TMEM132B: variants seen among roughly 807,000 people sequenced by gnomAD.
The protein encoded by TMEM132B is transmembrane protein 132B.
TMEM132B carries 18 observed loss-of-function variants against 90.8 expected under a neutral mutation model. The ratio of observed to expected loss-of-function variants is 0.20; its 90% CI spans 0.14 to 0.29. TMEM132B has a LOEUF of 0.29. Among genes scored for constraint, TMEM132B ranks in the 10% least tolerant of loss-of-function variants. The pLI, the probability that TMEM132B is intolerant of heterozygous loss-of-function variation, is 1.00. For missense variants in TMEM132B, 1,096 were observed against 1,326.8 expected, an observed-to-expected ratio of 0.83 and a Z score of 2.70; for synonymous variants, 504 against 523.3, an observed-to-expected ratio of 0.96 and a Z score of 0.50.
intron 1 of TMEM132B, among the ~76,000 whole-genome samples, chr12:125,297,806 G>A (rs1875709130): frequency 6.6e-6 from 1 of 152,098 alleles, no homozygotes; most frequent in South Asian, 2.1e-4. Context: ...TGAAGGGGGA[G>A]CCCTGGGGTG....
intron 4 of TMEM132B, among the ~76,000 whole-genome samples, chr12:125,562,558 G>A (rs1989436): frequency 0.011 from 1,739 of 152,200 alleles, 36 homozygotes; most frequent in South Asian, 0.077. Flanking sequence ...GGACTCTTCC[G>A]TTCACTTAAA....
chr12:125,252,181 A>C (rs1874331790), intron 1 of TMEM132B, among the ~76,000 whole-genome samples: 1 of 152,204 alleles, frequency 6.6e-6, no homozygotes, highest in Admixed American at 6.5e-5. Flanking sequence ...AGCCAAAAAG[A>C]AGCTCAGGGC....
rs1041901138 is a variant in TMEM132B, at chr12:125,277,208, C to T, written c.68-72244C>T. On this transcript the variant is annotated intron_variant, in intron 1 of 8. Transcript: ENST00000682704. The surrounding 1 kb of genome is among the most constrained non-coding windows in gnomAD (Gnocchi z 4.3). The stretch of plus-strand genomic sequence containing the variant: ...ATGAAGAGGGAGAACAGGCCGGGCA[C>T]GATGGCTCATGCCTGTAGTCCCAGC... 2.0e-5 allele frequency among the ~76,000 whole-genome samples: 3 copies of T among 152,014 alleles called. No individual in the cohort carries two copies. The highest frequency in any genetic ancestry group is 2.9e-5 in the Non-Finnish European group (2 of 68,024).
At chr12:125,519,683 T>C in intron 4 of TMEM132B, 58 bp downstream of exon 4, 2 of 1,545,544 alleles carry the variant, frequency 1.3e-6, no homozygotes, top group Non-Finnish European at 1.8e-6. Context: ...TTAAACATGA[T>C]GCACTGTATA....
At chr12:125,454,467 G>A (rs1382296346) in intron 3 of TMEM132B, among the ~76,000 whole-genome samples, 1 of 151,846 alleles carries the variant, frequency 6.6e-6, no homozygotes, top group Non-Finnish European at 1.5e-5. Context: ...AAGGTGATGA[G>A]AATGAACACC....
At chr12:125,402,356 A>G (rs1435727887) in intron 2 of TMEM132B, among the ~76,000 whole-genome samples, 1 of 152,042 alleles carries the variant, frequency 6.6e-6, no homozygotes, top group African/African-American at 2.4e-5. Context: ...CGCCTGGCTA[A>G]TTTTTGTATT....
Position 125,583,843 on chromosome 12 carries a change from C to T in TMEM132B, c.1294-8C>T, listed in dbSNP as rs184828721. 9.0e-4 allele frequency: 1,459 copies of T among 1,613,874 alleles called. 10 individuals carry two copies. Among genetic ancestry groups the T allele is most frequent in the Non-Finnish European group, 7.1e-4 (834 of 1,179,888 alleles). ...TTGCTGATCTGAGCCCTCTCCTCTC[C>T]TGTTTAGGACACCGAGGTTTTGAAC... On this transcript the variant is annotated splice_polypyrimidine_tract_variant and splice_region_variant and intron_variant, in intron 4 of 8. Transcript: ENST00000682704.
rs537346519 is a variant in TMEM132B, at chr12:125,491,049, T to C, written c.1107-28390T>C. 9.2e-4 allele frequency among the ~76,000 whole-genome samples: 140 copies of C among 152,184 alleles called. 1 individual carries two copies. Among genetic ancestry groups the C allele is most frequent in the Non-Finnish European group, 1.6e-3 (112 of 68,006 alleles). On this transcript the variant is annotated intron_variant, in intron 3 of 8. Coordinates refer to ENST00000682704, the MANE Select transcript of TMEM132B (RefSeq NM_001366854.1). Reference sequence around the variant, plus strand: ...TGGATCCTCCAGCACCAGTCAAGCCTTTGGATGACTGCAGCCCTGGATGAC... The same window carrying C: ...TGGATCCTCCAGCACCAGTCAAGCCCTTGGATGACTGCAGCCCTGGATGAC...
rs530436622 is a variant in TMEM132B, at chr12:125,442,563, A to G, written c.1106+26886A>G. On this transcript the variant is annotated intron_variant, in intron 3 of 8. Transcript: ENST00000682704. ...CCTTGGAGGTTTGCTATGGGGATTA[A>G]GTAAATAATTTATATAAAGTAGTAT... 4.2e-4 allele frequency among the ~76,000 whole-genome samples: 64 copies of G among 152,338 alleles called. No homozygotes were observed. In the Middle Eastern group the frequency reaches 0.014, roughly 32 times the overall value.
intron 2 of TMEM132B, among the ~76,000 whole-genome samples, chr12:125,411,415 A>G (rs1879835137): frequency 6.6e-6 from 1 of 151,644 alleles, no homozygotes; most frequent in South Asian, 2.1e-4. Context: ...CCTAATGTAG[A>G]TGACAGGTTG....
At chr12:125,638,495 A>G (rs769490411) in intron 5 of TMEM132B, among the ~76,000 whole-genome samples, 1 of 152,224 alleles carries the variant, frequency 6.6e-6, no homozygotes, top group African/African-American at 2.4e-5. Flanking sequence ...TGATAAGTGA[A>G]TATCTAAGGT....
At chr12:125,613,674 A>G (rs144237312) in intron 5 of TMEM132B, among the ~76,000 whole-genome samples, 6 of 152,128 alleles carry the variant, frequency 3.9e-5, no homozygotes, top group African/African-American at 1.2e-4. Context: ...TTAATTTTAT[A>G]TAACTTCTTC....
intron 3 of TMEM132B, among the ~76,000 whole-genome samples, chr12:125,423,271 C>T (rs762867820): frequency 1.3e-5 from 2 of 152,220 alleles, no homozygotes; most frequent in Non-Finnish European, 2.9e-5. Context: ...CTTAGATTTA[C>T]AGTCACACTT....
chr12:125,188,883 A>T (rs1957778743), intron 1 of TMEM132B, among the ~76,000 whole-genome samples: 1 of 151,590 alleles, frequency 6.6e-6, no homozygotes, highest in Non-Finnish European at 1.5e-5. Context: ...AGAAAAAAAG[A>T]AATTCCTGAA....
intron 3 of TMEM132B, among the ~76,000 whole-genome samples, chr12:125,497,142 G>C (rs1232806152): frequency 6.6e-6 from 1 of 152,200 alleles, no homozygotes; most frequent in Non-Finnish European, 1.5e-5. Flanking sequence ...CCTCCAAGGA[G>C]ACTGAAGCAC....
chr12:125,302,404 T>C (rs1478022369), intron 1 of TMEM132B, among the ~76,000 whole-genome samples: 4 of 151,452 alleles, frequency 2.6e-5, no homozygotes, highest in Admixed American at 6.6e-5. Context: ...CTAAAAGAAC[T>C]GTCCAGTGAG....
intron 3 of TMEM132B, among the ~76,000 whole-genome samples, chr12:125,502,891 C>A (rs759642010): frequency 6.6e-6 from 1 of 152,196 alleles, no homozygotes; most frequent in Non-Finnish European, 1.5e-5. Flanking sequence ...TGAGAATGGA[C>A]AACTCTGTGG....
At chr12:125,648,946 C>T (rs925040531) in intron 6 of TMEM132B, among the ~76,000 whole-genome samples, 2 of 152,112 alleles carry the variant, frequency 1.3e-5, no homozygotes, top group African/African-American at 2.4e-5. Flanking sequence ...TAGTTAGTTC[C>T]GAGAAGCTTT....
intron 1 of TMEM132B, among the ~76,000 whole-genome samples, chr12:125,240,485 G>GA (rs1874039740): frequency 6.6e-6 from 1 of 152,144 alleles, no homozygotes; most frequent in African/African-American, 2.4e-5. Flanking sequence ...TGGGCAGTTT[G>GA]AAAAAGCAGA....
Sources: gnomAD v4.1 joint callset for allele counts (sites outside exome capture counted in the v4.1 genomes callset) on GRCh38, gnomAD v4.1.1 for gene constraint, Gnocchi (gnomAD v3.1) non-coding constraint, MANE v1.5 for transcripts, NCBI Gene and HGNC (gene_info 2026-07-23, HGNC 2026-07-21) for gene names.